Variants in PRDM2 observed in about 807,000 individuals in gnomAD.
PRDM2 encodes PR domain zinc finger protein 2.
A neutral mutation model predicts 130.0 loss-of-function variants in PRDM2; 30 were observed. The ratio of observed to expected loss-of-function variants is 0.23; its 90% CI spans 0.17 to 0.31. The LOEUF (loss-of-function observed/expected upper bound fraction) is 0.31. PRDM2 is among the 10% of genes least tolerant of loss of function. The pLI, the probability that PRDM2 is intolerant of heterozygous loss-of-function variation, is 1.00. For synonymous variants in PRDM2, 871 were observed against 782.4 expected (o/e 1.11, Z -1.89); for missense variants, 2,011 against 2,108.4 (o/e 0.95, Z 0.90).
intron 9 of PRDM2, among the ~76,000 whole-genome samples, chr1:13,817,856 C>T (rs1372829858): frequency 6.6e-6 from 1 of 151,976 alleles, no homozygotes; most frequent in Non-Finnish European, 1.5e-5. Context: ...AAAAATTAGC[C>T]GGGCATGGTG....
At chr1:13,821,087 T>G (rs1645343302) in intron 9 of PRDM2, among the ~76,000 whole-genome samples, 1 of 151,978 alleles carries the variant, frequency 6.6e-6, no homozygotes, top group South Asian at 2.1e-4. Flanking sequence ...AGTGGTTAGG[T>G]GCACAGTGTC....
intron 1 of PRDM2, among the ~76,000 whole-genome samples, chr1:13,707,646 C>T (rs905907183): frequency 1.3e-5 from 2 of 152,140 alleles, no homozygotes; most frequent in African/African-American, 2.4e-5. Flanking sequence ...AAGCATAGTT[C>T]TCATCAGAGA....
At position 13,742,161 on chromosome 1, in the gene PRDM2, A is replaced by G; in HGVS notation, c.384+4A>G. 1.2e-6 allele frequency: 2 copies of G among 1,611,264 alleles called. No individual in the cohort carries two copies. Among genetic ancestry groups the G allele is most frequent in the Non-Finnish European group, 1.7e-6 (2 of 1,177,730 alleles). ...CATTTACTATAAAACTTTAAAGGTA[A>G]CAGCATTAGAATTAATTTACTGTTA... is the stretch of plus-strand genomic sequence containing the variant. On this transcript the variant is annotated splice_donor_region_variant and intron_variant, in intron 5 of 9. Transcript: ENST00000311066.
chr1:13,744,639 CAA>C (rs1557613967), intron 5 of PRDM2, among the ~76,000 whole-genome samples: 1 of 151,852 alleles, frequency 6.6e-6, no homozygotes, highest in Non-Finnish European at 1.5e-5. Context: ...TTAAACAAGC[CAA>C]TATATATATA....
At chr1:13,720,432 G>T (rs1191681842) in intron 2 of PRDM2, among the ~76,000 whole-genome samples, 1 of 152,114 alleles carries the variant, frequency 6.6e-6, no homozygotes, top group African/African-American at 2.4e-5. Context: ...TGGAGTAAAT[G>T]GTCAAAGAAG....
At chr1:13,789,718 TAAAA>T (rs1025548242) in intron 8 of PRDM2, among the ~76,000 whole-genome samples, 7 of 152,028 alleles carry the variant, frequency 4.6e-5, no homozygotes, top group South Asian at 4.2e-4. Flanking sequence ...CTTGAATCCA[TAAAA>T]AAAATCATAA....
In PRDM2 at chr1:13,772,832, A is replaced by C. The variant is rs948436873; in HGVS notation, c.512-246A>C. Among the ~76,000 whole-genome samples, 3 of 152,200 alleles carry C rather than the reference A, an allele frequency of 2.0e-5. 1 individual carries two copies. In the South Asian group the frequency reaches 6.2e-4, roughly 31 times the overall value. On this transcript the variant is annotated intron_variant, in intron 6 of 9. Transcript: ENST00000311066. Reference sequence around the variant, plus strand: ...AAGGGAACTAATGCCCAAGATTCTCAAAAATGCAAGATTGATGTGTTTCTT... The same window carrying C: ...AAGGGAACTAATGCCCAAGATTCTCCAAAATGCAAGATTGATGTGTTTCTT...
intron 9 of PRDM2, among the ~76,000 whole-genome samples, chr1:13,817,944 G>A (rs920500051): frequency 3.3e-5 from 5 of 152,184 alleles, no homozygotes; most frequent in African/African-American, 1.2e-4. Context: ...AGCTTGCAGT[G>A]AGCAAATCCT....
intron 8 of PRDM2, among the ~76,000 whole-genome samples, chr1:13,802,979 C>T (rs1242352721): frequency 2.0e-5 from 3 of 152,190 alleles, no homozygotes; most frequent in Non-Finnish European, 2.9e-5. Context: ...CTGGAGGAAC[C>T]GCTCCTCCAC....
intron 1 of PRDM2, among the ~76,000 whole-genome samples, chr1:13,712,139 A>T (rs1642389134): frequency 6.6e-6 from 1 of 151,750 alleles, no homozygotes; most frequent in African/African-American, 2.4e-5. Flanking sequence ...TGGGAGGATC[A>T]CTTGAGCCCA....
Position 13,719,969 on chromosome 1 carries a change from A to G in PRDM2, c.9+4355A>G, listed in dbSNP as rs896246873. 1.3e-4 allele frequency among the ~76,000 whole-genome samples: 20 copies of G among 152,208 alleles called. 1 individual carries two copies. Among genetic ancestry groups the G allele is most frequent in the Admixed American group, 1.0e-3 (16 of 15,280 alleles). ...TTGTAGCAATAATATATATTTTAGT[A>G]TGAATATACTATGAATTGTTCTTAA... is the stretch of plus-strand genomic sequence containing the variant. On this transcript the variant is annotated intron_variant, in intron 2 of 9. Transcript: ENST00000311066.
chr1:13,709,198 G>A (rs1642296505), intron 1 of PRDM2, among the ~76,000 whole-genome samples: 1 of 151,356 alleles, frequency 6.6e-6, no homozygotes, highest in African/African-American at 2.4e-5. Flanking sequence ...TTAGCAGTGG[G>A]TTTTTTGGAT....
chr1:13,717,754 C>T (rs1360098523), intron 2 of PRDM2, among the ~76,000 whole-genome samples: 6 of 151,846 alleles, frequency 4.0e-5, no homozygotes, highest in African/African-American at 7.3e-5. Flanking sequence ...TGCAGAAGAC[C>T]GCCTTTGATC....
At chr1:13,769,302 A>G in intron 6 of PRDM2, 1 of 370,240 alleles carries the variant, frequency 2.7e-6, no homozygotes, top group Non-Finnish European at 3.7e-6. Flanking sequence ...TTTTAATTTG[A>G]TGACATATAG....
At chr1:13,741,405 A>T (rs1032595956) in intron 4 of PRDM2, among the ~76,000 whole-genome samples, 1 of 152,134 alleles carries the variant, frequency 6.6e-6, no homozygotes, top group Non-Finnish European at 1.5e-5. Flanking sequence ...AGTATGTTTT[A>T]AGGGTCAGTT....
chr1:13,781,539 G>C lies in PRDM2; in HGVS notation c.3744G>C (p.Leu1248Phe), dbSNP rs548926858. The change falls in exon 8 of 10, where the codon TTG becomes TTC. Residue 1248 changes from leucine to phenylalanine, a missense_variant. Coordinates refer to ENST00000311066, the MANE Select transcript of PRDM2 (RefSeq NM_001393986.1). This position sits in a 1 kb window ranked among gnomAD's most constrained non-coding sequence, Gnocchi z 6.1. ...SKAHVEHMQSLPEDPLETSKE... is the reference protein window; with the variant it reads ...SKAHVEHMQSFPEDPLETSKE... ...CCCATGTAGAGCATATGCAGAGCTT[G>C]CCAGAAGATCCTTTAGAAACTTCTA... 6.2e-7 allele frequency: 1 copy of C among 1,612,384 alleles called. No homozygotes were observed. Among genetic ancestry groups the C allele is most frequent in the Admixed American group, 1.7e-5 (1 of 60,004 alleles).
At chr1:13,762,916 C>T (rs1644136079) in intron 6 of PRDM2, among the ~76,000 whole-genome samples, 2 of 152,316 alleles carry the variant, frequency 1.3e-5, no homozygotes, top group South Asian at 2.1e-4. Flanking sequence ...AGATCCTCCA[C>T]AGCAGTGGGA....
At chr1:13,772,784 A>C (rs771520115) in intron 6 of PRDM2, among the ~76,000 whole-genome samples, 2 of 152,220 alleles carry the variant, frequency 1.3e-5, no homozygotes, top group African/African-American at 2.4e-5. Context: ...TTACCTCATA[A>C]TTTGATAGTC....
At chr1:13,748,145 G>A (rs1203089244) in intron 5 of PRDM2, among the ~76,000 whole-genome samples, 4 of 152,234 alleles carry the variant, frequency 2.6e-5, no homozygotes, top group African/African-American at 9.6e-5. Flanking sequence ...TCTGTTTTCT[G>A]TGCATCGTAT....
Sources: allele counts gnomAD v4.1 joint callset (sites outside exome capture counted in the v4.1 genomes callset), GRCh38; gene constraint gnomAD v4.1.1; non-coding constraint Gnocchi (gnomAD v3.1); transcripts MANE v1.5; gene names NCBI Gene and HGNC (gene_info 2026-07-23, HGNC 2026-07-21).